Variants in IQCM observed in about 807,000 individuals in gnomAD.
IQCM encodes IQ domain-containing protein M.
In IQCM, 45 loss-of-function variants were observed where a neutral mutation model predicts 57.6. The ratio of observed to expected loss-of-function variants is 0.78; its 90% CI spans 0.62 to 1.00. The LOEUF (loss-of-function observed/expected upper bound fraction) is 1.00. Among genes scored for constraint, IQCM ranks in the 50% least tolerant of loss-of-function variants. The probability of loss-of-function intolerance (pLI) is 0.00; values close to 1 mark genes in which losing one functional copy is unlikely to be tolerated. For missense variants in IQCM, 468 were observed against 511.6 expected (o/e 0.91, Z 0.82); for synonymous variants, 148 against 158.9 (o/e 0.93, Z 0.51).
chr4:149,376,106 T>C (rs1225748105), intron 13 of IQCM, among the ~76,000 whole-genome samples: 1 of 152,172 alleles, frequency 6.6e-6, no homozygotes, highest in African/African-American at 2.4e-5. Flanking sequence ...CATGATTTTA[T>C]AGAAATATTC....
At position 149,360,640 on chromosome 4, in the gene IQCM, T is replaced by C. The variant is rs538289594; in HGVS notation, c.1391-8574A>G. 2.6e-5 allele frequency among the ~76,000 whole-genome samples: 4 copies of C among 152,308 alleles called. 1 individual carries two copies. In the South Asian group the frequency reaches 6.2e-4, roughly 24 times the overall value. ...ATTGAATAAGTATCATGAGATCTGA[T>C]AGGTTTATCAGGGGTTTCTGTTTTG... On this transcript the variant is annotated intron_variant, in intron 13 of 13. Coordinates refer to ENST00000636793, the MANE Select transcript of IQCM (RefSeq NM_001363507.2).
chr4:149,354,382 A>AAAAAAAC lies in IQCM; in HGVS notation c.1391-2317_1391-2316insGTTTTTT, dbSNP rs1553953461. Among the ~76,000 whole-genome samples the AAAAAAAC allele has an allele frequency of 2.6e-4, 35 of 136,530 alleles. 3 individuals are homozygous for AAAAAAAC. Among genetic ancestry groups the AAAAAAAC allele is most frequent in the South Asian group, 7.5e-4 (3 of 3,974 alleles). The allele number at this position is 136,530 out of a possible 152,430, so 89.6% of individuals were successfully genotyped here. On this transcript the variant is annotated intron_variant, in intron 13 of 13. Coordinates refer to ENST00000636793, the MANE Select transcript of IQCM (RefSeq NM_001363507.2). ...CCGTCTCAAAAAAAAAAAAAAAAAA[A>AAAAAAAC]AAAAAAACTGACAAATTAGGCCACA...
chr4:149,648,761 G>A (rs1323177630), intron 7 of IQCM, among the ~76,000 whole-genome samples: 1 of 152,036 alleles, frequency 6.6e-6, no homozygotes, highest in Non-Finnish European at 1.5e-5. Flanking sequence ...GGTGGGGGGA[G>A]AAGGGAGGGA....
chr4:149,453,039 A>G (rs1379687343), intron 12 of IQCM, among the ~76,000 whole-genome samples: 3 of 145,366 alleles, frequency 2.1e-5, no homozygotes, highest in African/African-American at 7.5e-5. Context: ...GGAAATGAGT[A>G]AAAAAAAAAA....
chr4:149,733,546 A>T, intron 4 of IQCM, 38 bp from the exon 5 acceptor site: 1 of 1,001,766 alleles, frequency 1.0e-6, no homozygotes, highest in Non-Finnish European at 1.3e-6. Context: ...GCAAAATTTA[A>T]TTTTAGTATG....
At chr4:149,507,240 AG>A (rs1743920729) in intron 12 of IQCM, among the ~76,000 whole-genome samples, 1 of 152,288 alleles carries the variant, frequency 6.6e-6, no homozygotes, top group Non-Finnish European at 1.5e-5. Flanking sequence ...AGACTAATAC[AG>A]TAAATTGGAA....
At chr4:149,501,290 T>C (rs922750882) in intron 12 of IQCM, among the ~76,000 whole-genome samples, 1 of 152,234 alleles carries the variant, frequency 6.6e-6, no homozygotes, top group African/African-American at 2.4e-5. Flanking sequence ...TGTTTAGCCA[T>C]TTAGATGGTT....
chr4:149,613,370 T>TA (rs1755478836), intron 8 of IQCM, among the ~76,000 whole-genome samples: 1 of 152,136 alleles, frequency 6.6e-6, no homozygotes, highest in Non-Finnish European at 1.5e-5. Flanking sequence ...TAAGGAATTT[T>TA]AAAAAGATGT....
chr4:149,669,480 A>C (rs540355474), intron 7 of IQCM, among the ~76,000 whole-genome samples: 1 of 152,216 alleles, frequency 6.6e-6, no homozygotes, highest in African/African-American at 2.4e-5. Flanking sequence ...CTTTAGTTTA[A>C]TTAGATCCCA....
intron 12 of IQCM, among the ~76,000 whole-genome samples, chr4:149,543,296 A>G (rs1435147861): frequency 6.6e-6 from 1 of 152,122 alleles, no homozygotes; most frequent in Admixed American, 6.6e-5. Flanking sequence ...AAGTATTGTT[A>G]AAAACAATAT....
intron 6 of IQCM, among the ~76,000 whole-genome samples, chr4:149,685,603 C>G (rs1762493164): frequency 6.6e-6 from 1 of 151,464 alleles, no homozygotes; most frequent in Non-Finnish European, 1.5e-5. Flanking sequence ...TTCTTCATAG[C>G]CTTGCCAGCA....
intron 10 of IQCM, 56 bp downstream of exon 10, chr4:149,563,636 G>A (rs1422871424): frequency 1.8e-6 from 2 of 1,117,546 alleles, no homozygotes; most frequent in Non-Finnish European, 2.3e-6. Flanking sequence ...AAATTCTACT[G>A]AATTGAATCT....
chr4:149,486,389 C>T (rs1741514158), intron 12 of IQCM, among the ~76,000 whole-genome samples: 1 of 152,074 alleles, frequency 6.6e-6, no homozygotes, highest in African/African-American at 2.4e-5. Context: ...CCAGTTTCCA[C>T]AGGCAGAGGA....
At chr4:149,551,202 G>A (rs773750596) in intron 11 of IQCM, among the ~76,000 whole-genome samples, 24 of 151,988 alleles carry the variant, frequency 1.6e-4, no homozygotes, top group African/African-American at 2.4e-4. Context: ...AAGACTAGCC[G>A]CCTCCAAATT....
chr4:149,699,230 A>T (rs1763572963), intron 5 of IQCM, among the ~76,000 whole-genome samples: 1 of 152,042 alleles, frequency 6.6e-6, no homozygotes, highest in South Asian at 2.1e-4. Context: ...TCTATCAACA[A>T]TTTTCTCCCA....
intron 11 of IQCM, among the ~76,000 whole-genome samples, chr4:149,552,140 A>T (rs543016765): frequency 1.6e-3 from 241 of 152,326 alleles, no homozygotes; most frequent in Non-Finnish European, 2.9e-3. Flanking sequence ...TTATCTGCAA[A>T]TAGCTTTTAG....
intron 12 of IQCM, among the ~76,000 whole-genome samples, chr4:149,532,925 G>C (rs1450471028): frequency 6.6e-6 from 1 of 152,124 alleles, no homozygotes; most frequent in Non-Finnish European, 1.5e-5. Context: ...AGGTAATGAA[G>C]CAAAGATGGA....
At chr4:149,388,078 A>G (rs1297417332) in intron 13 of IQCM, among the ~76,000 whole-genome samples, 1 of 151,998 alleles carries the variant, frequency 6.6e-6, no homozygotes, top group African/African-American at 2.4e-5. Flanking sequence ...GTGTTTATCC[A>G]TTCTTCAGTT....
At chr4:149,661,376 TG>T (rs1160281243) in intron 7 of IQCM, among the ~76,000 whole-genome samples, 1 of 152,178 alleles carries the variant, frequency 6.6e-6, no homozygotes. Context: ...TTGTTGAGAA[TG>T]TTTGCATCTA....
Sources: gnomAD v4.1 joint callset for allele counts (sites outside exome capture counted in the v4.1 genomes callset) on GRCh38, gnomAD v4.1.1 for gene constraint, MANE v1.5 for transcripts, NCBI Gene and HGNC (gene_info 2026-07-23, HGNC 2026-07-21) for gene names.